Variants in RIPK1 observed in about 807,000 individuals in gnomAD.
RIPK1 encodes receptor-interacting serine/threonine-protein kinase 1.
Under a neutral mutation model 62.4 loss-of-function variants are expected in RIPK1, and 27 were observed. The observed-to-expected ratio is 0.43, with a 90% confidence interval of 0.32 to 0.60. The LOEUF (loss-of-function observed/expected upper bound fraction) is 0.60. RIPK1 is among the 20% of genes least tolerant of loss of function. The probability of loss-of-function intolerance (pLI) is 0.07; values close to 1 mark genes in which losing one functional copy is unlikely to be tolerated. For synonymous variants in RIPK1, 287 were observed against 303.2 expected (o/e 0.95, Z 0.55); for missense variants, 735 against 831.0 (o/e 0.88, Z 1.42).
At chr6:3,073,271 TATAC>T (rs1375447557) in intron 1 of RIPK1, among the ~76,000 whole-genome samples, 1 of 151,306 alleles carries the variant, frequency 6.6e-6, no homozygotes, top group Non-Finnish European at 1.5e-5. Context: ...CATATATACA[TATAC>T]AAATATATGT....
chr6:3,090,856 T>TAACCGCAGAGC (rs1760037547), intron 7 of RIPK1, among the ~76,000 whole-genome samples: 2 of 43,490 alleles, frequency 4.6e-5, no homozygotes, highest in Non-Finnish European at 7.1e-5. Context: ...AACCGCAGAG[T>TAACCGCAGAGC]ACCTACCTGC....
In RIPK1 at chr6:3,077,813, A is replaced by G. The variant is rs772718181; in HGVS notation, c.199A>G (p.Met67Val). The change falls in exon 3 of 11, where the codon ATG becomes GTG. Residue 67 changes from methionine (M) to valine (V), a missense_variant. Around this residue, in one of 2 missense-constraint regions of RIPK1, gnomAD observed 671 missense variants for 726.2 expected, o/e 0.92. Transcript: ENST00000259808. ...NEALLEEAKM[M>V]NRLRHSRVVK... ...GGCCCTCTTGGAGGAGGCGAAGATGATGAACAGACTGAGACACAGCCGGGT... is the reference window on the plus strand; with the variant it reads ...GGCCCTCTTGGAGGAGGCGAAGATGGTGAACAGACTGAGACACAGCCGGGT... 1 of 1,614,182 alleles carries G rather than the reference A, an allele frequency of 6.2e-7. No individual in the cohort carries two copies. Among genetic ancestry groups the G allele is most frequent in the South Asian group, 1.1e-5 (1 of 91,090 alleles).
Position 3,105,535 on chromosome 6 carries a change from G to T in RIPK1, c.1060G>T (p.Val354Leu). ...HSSQGLGMGPVEESWFAPSLE... is the reference protein window; with the variant it reads ...HSSQGLGMGPLEESWFAPSLE... ...TTCCCAGGGACTTGGGATGGGTCCT[G>T]TGGAGGAGTCCTGGTTTGCTCCTTC... The change falls in exon 9 of 11, where the codon GTG becomes TTG. Residue 354 changes from valine (V) to leucine (L), a missense_variant. By Grantham distance (32) the Val-to-Leu change is conservative (BLOSUM62 1). This residue lies in a region of RIPK1 where 671 missense variants were observed against 726.2 expected (regional missense o/e 0.92). Coordinates refer to ENST00000259808, the MANE Select transcript of RIPK1 (RefSeq NM_001354930.2). The surrounding 1 kb of genome is among the most constrained non-coding windows in gnomAD (Gnocchi z 4.5). 6.2e-7 allele frequency: 1 copy of T among 1,602,560 alleles called. No homozygotes were observed. The highest frequency in any genetic ancestry group is 8.5e-7 in the Non-Finnish European group (1 of 1,174,590).
Position 3,083,198 on chromosome 6 carries a change from C to T in RIPK1, c.573C>T (p.Tyr191=), listed in dbSNP as rs1177209584. ...GTAKKNGGTL[Y]YMAPEHLNDV... is the part of the protein sequence containing the mutation. ...CTAAGAAGAATGGCGGCACCCTCTA[C>T]TACATGGCGCCCGAGCACCTGAATG... The change falls in exon 5 of 11, where the codon TAC becomes TAT. Residue 191 remains tyrosine (Y), a synonymous_variant. Coordinates refer to ENST00000259808, the MANE Select transcript of RIPK1 (RefSeq NM_001354930.2). 1.2e-6 allele frequency: 2 copies of T among 1,614,046 alleles called. No individual in the cohort carries two copies. Among genetic ancestry groups the T allele is most frequent in the Non-Finnish European group, 1.7e-6 (2 of 1,179,982 alleles).
intron 2 of RIPK1, 50 bp downstream of exon 2, chr6:3,077,037 C>A (rs761420849): frequency 1.3e-6 from 2 of 1,516,664 alleles, no homozygotes; most frequent in African/African-American, 1.4e-5. Context: ...GGGATGGGGA[C>A]GTTGGCTGTT....
In RIPK1 at chr6:3,077,808, AGAT is replaced by A; in HGVS notation, c.200_202del (p.Met67del). On this transcript the variant is annotated inframe_deletion, in exon 3 of 11. Coordinates refer to ENST00000259808, the MANE Select transcript of RIPK1 (RefSeq NM_001354930.2). ...AACGAGGCCCTCTTGGAGGAGGCGA[AGAT>A]GATGAACAGACTGAGACACAGCCGG... The A allele has an allele frequency of 1.9e-6, 3 of 1,614,198 alleles. No individual in the cohort carries two copies. Among genetic ancestry groups the A allele is most frequent in the South Asian group, 1.1e-5 (1 of 91,090 alleles).
chr6:3,073,184 A>G (rs1280329365), intron 1 of RIPK1, among the ~76,000 whole-genome samples: 1 of 151,700 alleles, frequency 6.6e-6, no homozygotes. Flanking sequence ...ATCTACATAT[A>G]CAATATATGC....
chr6:3,069,942 CG>C (rs1181556516), intron 1 of RIPK1, among the ~76,000 whole-genome samples: 4 of 151,868 alleles, frequency 2.6e-5, no homozygotes, highest in Non-Finnish European at 5.9e-5. Context: ...ACCCAGGAGG[CG>C]GTAGTTGCAG....
In RIPK1 at chr6:3,076,880, G is replaced by A. The variant is rs1561748478; in HGVS notation, c.57G>A (p.Glu19=). 1 of 1,611,342 alleles carries A rather than the reference G, an allele frequency of 6.2e-7. No homozygotes were observed. Among genetic ancestry groups the A allele is most frequent in the African/African-American group, 1.3e-5 (1 of 74,792 alleles). ...VIKMKSSDFL[E]SAELDSGGFG... ...AGATGAAATCCAGTGACTTCCTGGA[G>A]AGTGCAGAACTGGACAGCGGAGGCT... The change falls in exon 2 of 11, where the codon GAG becomes GAA. Residue 19 remains glutamate, a synonymous_variant. Transcript: ENST00000259808.
At chr6:3,087,000 A>G (rs143067870) in intron 6 of RIPK1, among the ~76,000 whole-genome samples, 3 of 152,310 alleles carry the variant, frequency 2.0e-5, no homozygotes, top group African/African-American at 7.2e-5. Context: ...ACAAAATCAA[A>G]CCTTCCTGAT....
chr6:3,107,613 C>T (rs930913095), intron 9 of RIPK1, among the ~76,000 whole-genome samples: 8 of 150,856 alleles, frequency 5.3e-5, no homozygotes, highest in Admixed American at 4.0e-4. Context: ...CACTTTGTGA[C>T]GTGCAGTTCT....
chr6:3,075,770 T>G (rs1207166067), intron 1 of RIPK1, among the ~76,000 whole-genome samples: 1 of 152,198 alleles, frequency 6.6e-6, no homozygotes, highest in Non-Finnish European at 1.5e-5. Context: ...GTTCATAGTT[T>G]AGGCGATCCT....
chr6:3,110,061 A>G (rs34951589), intron 9 of RIPK1, among the ~76,000 whole-genome samples: 3,515 of 152,184 alleles, frequency 0.023, 82 homozygotes, highest in East Asian at 0.071. Context: ...TCCACCTTTT[A>G]GCTATTGTGA....
At chr6:3,110,295 G>A (rs1371951703) in intron 9 of RIPK1, among the ~76,000 whole-genome samples, 1 of 144,518 alleles carries the variant, frequency 6.9e-6, no homozygotes, top group Non-Finnish European at 1.5e-5. Context: ...TGCAAGCTCC[G>A]CCTCCTGGGT....
At position 3,077,826 on chromosome 6, in the gene RIPK1, G is replaced by C. The variant is rs201373013; in HGVS notation, c.212G>C (p.Arg71Thr). The C allele has an allele frequency of 1.3e-4, 217 of 1,614,124 alleles. No homozygotes were observed. Among genetic ancestry groups the C allele is most frequent in the Non-Finnish European group, 1.6e-4 (194 of 1,180,042 alleles). ...GAGGCGAAGATGATGAACAGACTGA[G>C]ACACAGCCGGGTGGTGAAGCTCCTG... Reference protein sequence around the residue: ...LEEAKMMNRLRHSRVVKLLGV... With the variant: ...LEEAKMMNRLTHSRVVKLLGV... The change falls in exon 3 of 11, where the codon AGA becomes ACA. Residue 71 changes from arginine (R) to threonine (T), a missense_variant. Physicochemically the swap from Arg to Thr is moderately conservative, Grantham distance 71. Coordinates refer to ENST00000259808, the MANE Select transcript of RIPK1 (RefSeq NM_001354930.2).
intron 9 of RIPK1, 126 bp from the exon 10 acceptor site, chr6:3,110,677 G>T: frequency 3.7e-6 from 2 of 545,174 alleles, no homozygotes; most frequent in Non-Finnish European, 6.2e-6. Context: ...AAGAAGAAAA[G>T]TTTAAAGGGT....
Position 3,105,469 on chromosome 6 carries a change from C to A in RIPK1, c.1007-13C>A, listed in dbSNP as rs145417478. On this transcript the variant is annotated splice_polypyrimidine_tract_variant and intron_variant, in intron 8 of 10. Transcript: ENST00000259808. The surrounding 1 kb of genome is among the most constrained non-coding windows in gnomAD (Gnocchi z 4.5). ...TCATGACACCCATTCTAATGTTGAT[C>A]ATTTCTTCTCAGCCACAGAACAGCC... The A allele has an allele frequency of 6.6e-7, 1 of 1,516,692 alleles. No individual in the cohort carries two copies. The highest frequency in any genetic ancestry group is 1.3e-5 in the South Asian group (1 of 75,614). 94.0% of individuals were successfully genotyped at this position (1,516,692 alleles called of 1,614,324 possible). A position where few individuals can be genotyped will look rare whatever the true frequency, so the allele number is the denominator to read the frequency against.
At chr6:3,087,764 C>A (rs905196326) in intron 6 of RIPK1, among the ~76,000 whole-genome samples, 7 of 143,786 alleles carry the variant, frequency 4.9e-5, no homozygotes, top group African/African-American at 1.6e-4. Context: ...TGGTCTCCAT[C>A]TCCTGACCTT....
chr6:3,065,349 G>A (rs1387406317), upstream of RIPK1, among the ~76,000 whole-genome samples: 1 of 150,604 alleles, frequency 6.6e-6, no homozygotes, highest in East Asian at 2.0e-4. Flanking sequence ...GGTGCGGGTT[G>A]TGTTCATTGT....
Sources: gnomAD v4.1 joint callset for allele counts (sites outside exome capture counted in the v4.1 genomes callset) on GRCh38, gnomAD v4.1.1 for gene constraint, gnomAD v4.1.1 regional missense constraint, Gnocchi (gnomAD v3.1) non-coding constraint, MANE v1.5 for transcripts, NCBI Gene and HGNC (gene_info 2026-07-23, HGNC 2026-07-21) for gene names.